PLXNB2: variants seen among roughly 807,000 people sequenced by gnomAD.
PLXNB2 encodes the protein plexin B2, also known as plexin-B2.
Under a neutral mutation model 202.6 loss-of-function variants are expected in PLXNB2, and 85 were observed. That is an observed-to-expected ratio of 0.42 (90% confidence interval 0.35 to 0.50). PLXNB2 has a LOEUF of 0.50. PLXNB2 is among the 20% of genes least tolerant of loss of function. The pLI is 0.02. For synonymous variants in PLXNB2, 1,239 were observed against 1,137.6 expected (o/e 1.09, Z -1.79); for missense variants, 2,063 against 2,586.2 (o/e 0.80, Z 4.39).
rs372033464 is a variant in PLXNB2 at position 50,278,493 on chromosome 22, C to A, written c.4674G>T (p.Leu1558=). The A allele has an allele frequency of 3.8e-6, 6 of 1,563,726 alleles. No homozygotes were observed. The highest frequency in any genetic ancestry group is 1.2e-5 in the South Asian group (1 of 85,582). The change falls in exon 30 of 37, where the codon CTG becomes CTT. Residue 1558 remains leucine (L), a synonymous_variant. Transcript: ENST00000359337. ...YNVRDGATLI[L]SKVGVSQQPE... ...GCTGCTGGGAGACCCCCACCTTGGA[C>A]AGGATGAGGGTGGCTCCATCCCGGA...
intron 11 of PLXNB2, among the ~76,000 whole-genome samples, chr22:50,285,252 C>A (rs2066344198): frequency 7.6e-6 from 1 of 132,186 alleles, no homozygotes; most frequent in Non-Finnish European, 1.7e-5. Flanking sequence ...CGGCCGGCAC[C>A]CCTCCCTCCG....
At chr22:50,294,853 C>T in intron 1 of PLXNB2, 75 bp from the exon 2 acceptor site, 1 of 746,856 alleles carries the variant, frequency 1.3e-6, no homozygotes, top group Non-Finnish European at 1.6e-6. Flanking sequence ...CTGTCCCATG[C>T]TGGTGGGGCT....
At position 50,280,819 on chromosome 22, in the gene PLXNB2, C is replaced by T; in HGVS notation, c.3918G>A (p.Glu1306=). ...VMITGKLDIP[E]PRRPVVEQAL... is the part of the protein sequence containing the mutation. ...CCTGCTCCACCACCGGCCGCCGCGG[C>T]TCAGGGATGTCCAGCTTGCCGGTGA... The change falls in exon 24 of 37, where the codon GAG becomes GAA. Residue 1306 remains glutamate, a synonymous_variant. Coordinates refer to ENST00000359337, the MANE Select transcript of PLXNB2 (RefSeq NM_012401.4). 1.2e-6 allele frequency: 2 copies of T among 1,613,314 alleles called. No homozygotes were observed. The highest frequency in any genetic ancestry group is 1.7e-6 in the Non-Finnish European group (2 of 1,179,938).
At chr22:50,304,192 CG>C (rs1359534879) in intron 1 of PLXNB2, among the ~76,000 whole-genome samples, 1 of 152,194 alleles carries the variant, frequency 6.6e-6, no homozygotes, top group Non-Finnish European at 1.5e-5. Flanking sequence ...CAGACATCCC[CG>C]GGGGTGGGGC....
chr22:50,287,302 G>A (rs1408167414), intron 7 of PLXNB2, 38 bp from the exon 8 acceptor site: 23 of 1,454,332 alleles, frequency 1.6e-5, no homozygotes, highest in East Asian at 5.1e-5. Context: ...TGGGAACCCC[G>A]AGTCCTGTCA....
chr22:50,279,004 C>G lies in PLXNB2; in HGVS notation c.4397G>C (p.Ser1466Thr), dbSNP rs1233904904. Residue 1466 changes from serine (S) to threonine (T), a missense_variant, in exon 28 of 37, where the codon AGC becomes ACC. Physicochemically the swap from Ser to Thr is moderately conservative, Grantham distance 58 (BLOSUM62 1). This residue lies in a region of PLXNB2 where 760 missense variants were observed against 1,109.4 expected (regional missense o/e 0.69). Transcript: ENST00000359337. ...DDVEYAPLTV[S>T]VIVQDEGVDA... Reference sequence around the variant, plus strand: ...CACTCCCTCGTCCTGCACGATCACGCTCACCGTCTGCCGAGACATCCGGGA... The same window carrying G: ...CACTCCCTCGTCCTGCACGATCACGGTCACCGTCTGCCGAGACATCCGGGA... 1 of 1,606,688 alleles carries G rather than the reference C, an allele frequency of 6.2e-7. No homozygotes were observed. The highest frequency in any genetic ancestry group is 8.5e-7 in the Non-Finnish European group (1 of 1,175,556).
intron 1 of PLXNB2, among the ~76,000 whole-genome samples, chr22:50,307,130 G>A (rs548612745): frequency 1.3e-5 from 2 of 152,260 alleles, no homozygotes; most frequent in Admixed American, 1.3e-4. Context: ...CAGGCCCCAG[G>A]GGGTGCGGGG....
chr22:50,306,389 G>A lies in PLXNB2; in HGVS notation c.-74+1164C>T, dbSNP rs553394971. Among the ~76,000 whole-genome samples the A allele has an allele frequency of 5.3e-5, 8 of 152,280 alleles. 1 individual carries two copies. Among genetic ancestry groups the A allele is most frequent in the Admixed American group, 5.2e-4 (8 of 15,302 alleles). On this transcript the variant is annotated intron_variant, in intron 1 of 36. Coordinates refer to ENST00000359337, the MANE Select transcript of PLXNB2 (RefSeq NM_012401.4). ...CCTATGCCTGCTGGCCCTGCCCTCC[G>A]GGAGACCCTCACCTCTGGACAGGAA...
chr22:50,286,193 C>A lies in PLXNB2; in HGVS notation c.1857G>T (p.Met619Ile). 1 of 1,612,568 alleles carries A rather than the reference C, an allele frequency of 6.2e-7. No homozygotes were observed. The highest frequency in any genetic ancestry group is 8.5e-7 in the Non-Finnish European group (1 of 1,179,336). ...QYPFYDCRQA[M>I]SLEENLPCIS... ...CTCACGGCAGGTTCTCCTCCAGGCT[C>A]ATGGCCTGGCGGCAGTCGTAGAAGG... Residue 619 changes from methionine to isoleucine, a missense_variant, in exon 9 of 37, where the codon ATG becomes ATT. Met to Ile is a conservative substitution (Grantham distance 10). This residue lies in a region of PLXNB2 where 1,303 missense variants were observed against 1,476.8 expected (regional missense o/e 0.88). Transcript: ENST00000359337.
chr22:50,278,109 G>T lies in PLXNB2; in HGVS notation c.4887+8C>A, dbSNP rs200167566. On this transcript the variant is annotated splice_region_variant and intron_variant, in intron 31 of 36. Coordinates refer to ENST00000359337, the MANE Select transcript of PLXNB2 (RefSeq NM_012401.4). ...CCTGGTGCCGCCCACACACCCATGG[G>T]GGCCCACCTTGACTGAGAGCAGCCG... The T allele has an allele frequency of 1.9e-5, 31 of 1,603,198 alleles. No homozygotes were observed. Among genetic ancestry groups the T allele is most frequent in the Middle Eastern group, 3.3e-4 (2 of 6,058 alleles).
intron 1 of PLXNB2, chr22:50,300,395 GTCTC>G: frequency 1.1e-6 from 1 of 886,264 alleles, no homozygotes; most frequent in Non-Finnish European, 1.4e-6. Context: ...CCCCCGGTCG[GTCTC>G]AGGGCTCGGC....
At chr22:50,279,835 C>G in intron 26 of PLXNB2, 59 bp from the exon 27 acceptor site, 1 of 1,597,070 alleles carries the variant, frequency 6.3e-7, no homozygotes. Flanking sequence ...GGAAGGGGCC[C>G]CCGGAGCCCT....
At chr22:50,287,556 C>G (rs886491201) in intron 7 of PLXNB2, 111 bp downstream of exon 7, 2 of 1,131,118 alleles carry the variant, frequency 1.8e-6, no homozygotes, top group Non-Finnish European at 2.5e-6. Flanking sequence ...AGAGCCCAGG[C>G]GGGGGAGATG....
At position 50,287,654 on chromosome 22, in the gene PLXNB2, A is replaced by C. The variant is rs2147495143; in HGVS notation, c.1608+13T>G. ...CTGGGGCCCAGGACCCCCACCCCAG[A>C]CCCACCACGCACCTCCCCCTGGGCC... On this transcript the variant is annotated intron_variant, in intron 7 of 36. Coordinates refer to ENST00000359337, the MANE Select transcript of PLXNB2 (RefSeq NM_012401.4). 6.5e-7 allele frequency: 1 copy of C among 1,535,078 alleles called. No homozygotes were observed. Among genetic ancestry groups the C allele is most frequent in the Non-Finnish European group, 8.7e-7 (1 of 1,144,976 alleles).
rs766952583 is a variant in PLXNB2 at position 50,290,045 on chromosome 22, G to C, written c.540C>G (p.Gly180=). ...CCAACAGCCGAGTGCTCACGATGAT[G>C]CCGTTGTCGTGTGGCCCATTGCCTT... ...VGKGNGPHDN[G]IIVSTRLLDR... Residue 180 remains glycine, a synonymous_variant, in exon 3 of 37, where the codon GGC becomes GGG. Transcript: ENST00000359337. The C allele has an allele frequency of 2.5e-5, 40 of 1,613,316 alleles. No homozygotes were observed. The African/African-American group carries it at 4.8e-4, about 19-fold the overall frequency.
intron 2 of PLXNB2, 89 bp from the exon 3 acceptor site, chr22:50,290,686 A>G (rs2066805982): frequency 7.4e-7 from 1 of 1,359,916 alleles, no homozygotes; most frequent in Non-Finnish European, 9.7e-7. Context: ...ACGTCAGAAC[A>G]TGGGAGAGAG....
At chr22:50,287,399 A>C in intron 7 of PLXNB2, 135 bp from the exon 8 acceptor site, 1 of 1,033,210 alleles carries the variant, frequency 9.7e-7, no homozygotes, top group Non-Finnish European at 1.4e-6. Flanking sequence ...GTCTTCCAAT[A>C]CAGGCCTCTC....
Position 50,283,399 on chromosome 22 carries a change from C to T in PLXNB2, c.2617G>A (p.Val873Ile), listed in dbSNP as rs2066164664. The T allele has an allele frequency of 2.5e-6, 4 of 1,613,272 alleles. No homozygotes were observed. Among genetic ancestry groups the T allele is most frequent in the Non-Finnish European group, 3.4e-6 (4 of 1,179,948 alleles). ...EAAETPFTGG[V>I]EVDVFGKLGR... ...AGTTTCCCGAAGACGTCCACCTCGA[C>T]ACCCCCCGTGAAAGGCGTCTCCGCA... The change falls in exon 16 of 37, where the codon GTC becomes ATC. Residue 873 changes from valine to isoleucine, a missense_variant. This residue lies in a region of PLXNB2 where 1,303 missense variants were observed against 1,476.8 expected (regional missense o/e 0.88). Transcript: ENST00000359337.
At chr22:50,286,829 G>T (rs2066490726) in intron 8 of PLXNB2, among the ~76,000 whole-genome samples, 1 of 152,180 alleles carries the variant, frequency 6.6e-6, no homozygotes, top group Non-Finnish European at 1.5e-5. Flanking sequence ...CTGGCGCCTG[G>T]CACCCACATG....
Sources: gnomAD v4.1 joint callset for allele counts (sites outside exome capture counted in the v4.1 genomes callset) on GRCh38, gnomAD v4.1.1 for gene constraint, gnomAD v4.1.1 regional missense constraint, MANE v1.5 for transcripts, NCBI Gene and HGNC (gene_info 2026-07-23, HGNC 2026-07-21) for gene names.